Variants in WNK2 observed in about 807,000 individuals in gnomAD.
WNK2 encodes the protein WNK lysine deficient protein kinase 2, also known as serine/threonine-protein kinase WNK2.
Under a neutral mutation model 192.1 loss-of-function variants are expected in WNK2, and 67 were observed. The ratio of observed to expected loss-of-function variants is 0.35; its 90% confidence interval spans 0.29 to 0.43. WNK2 has a LOEUF of 0.43. Ranked by LOEUF, WNK2 falls within the 20% of genes least tolerant of loss-of-function variation. The pLI, the probability that WNK2 is intolerant of heterozygous loss-of-function variation, is 1.00. For missense variants in WNK2, 2,698 were observed against 3,089.7 expected, an observed-to-expected ratio of 0.87 and a Z score of 3.01; for synonymous variants, 1,439 against 1,393.9, an observed-to-expected ratio of 1.03 and a Z score of -0.72.
chr9:93,208,493 C>G (rs1833796853), intron 2 of WNK2, among the ~76,000 whole-genome samples: 1 of 152,146 alleles, frequency 6.6e-6, no homozygotes, highest in African/African-American at 2.4e-5. Flanking sequence ...TCTCTGTGTG[C>G]ATGTGTGTTC....
Position 93,257,708 on chromosome 9 carries a change from G to A in WNK2, c.2382+569G>A, listed in dbSNP as rs377457646. Among the ~76,000 whole-genome samples the A allele has an allele frequency of 8.5e-5, 13 of 152,190 alleles. No individual in the cohort carries two copies. Among genetic ancestry groups the A allele is most frequent in the South Asian group, 2.1e-4 (1 of 4,822 alleles). On this transcript the variant is annotated intron_variant, in intron 11 of 29. Transcript: ENST00000427277. The surrounding 1 kb of genome is among the most constrained non-coding windows in gnomAD (Gnocchi z 4.7). ...AGGGCCGTGTGGCATGTGGCTCCTC[G>A]GAGTTCCAAAGCCAGCCTGTGGCAT...
intron 2 of WNK2, among the ~76,000 whole-genome samples, chr9:93,228,963 C>T (rs763737185): frequency 6.6e-6 from 1 of 151,928 alleles, no homozygotes; most frequent in Non-Finnish European, 1.5e-5. Flanking sequence ...GAATGTGGTG[C>T]CTGGGGTTGG....
chr9:93,312,112 G>A (rs1853768959), intron 28 of WNK2, among the ~76,000 whole-genome samples: 2 of 152,030 alleles, frequency 1.3e-5, no homozygotes, highest in South Asian at 2.1e-4. Context: ...GAATCAGCTC[G>A]TTTTTTTCAT....
At chr9:93,274,894 A>G (rs1324488495) in intron 19 of WNK2, among the ~76,000 whole-genome samples, 1 of 152,232 alleles carries the variant, frequency 6.6e-6, no homozygotes. Context: ...TCCAGAAAAT[A>G]GAGGAGGAAA....
chr9:93,200,933 A>G (rs1251676942), intron 2 of WNK2, among the ~76,000 whole-genome samples: 1 of 152,242 alleles, frequency 6.6e-6, no homozygotes, highest in African/African-American at 2.4e-5. Flanking sequence ...GAAAAAATAT[A>G]TGGAAATAGA....
chr9:93,194,235 C>T (rs1462182976), intron 2 of WNK2, among the ~76,000 whole-genome samples: 1 of 152,184 alleles, frequency 6.6e-6, no homozygotes, highest in Non-Finnish European at 1.5e-5. Flanking sequence ...AAATTAAATG[C>T]TTCTGTTCTG....
intron 5 of WNK2, among the ~76,000 whole-genome samples, chr9:93,236,132 A>G (rs1299824924): frequency 6.6e-6 from 1 of 152,116 alleles, no homozygotes; most frequent in Non-Finnish European, 1.5e-5. Context: ...GGAGGCAGGG[A>G]TGGTCTGCAG....
intron 19 of WNK2, among the ~76,000 whole-genome samples, chr9:93,281,464 G>A (rs911174325): frequency 9.9e-5 from 15 of 152,148 alleles, no homozygotes; most frequent in Non-Finnish European, 2.2e-4. Flanking sequence ...GCCAGAGAGA[G>A]AATCGGCAAG....
At chr9:93,306,280 C>A (rs1852520468) in intron 26 of WNK2, among the ~76,000 whole-genome samples, 1 of 152,164 alleles carries the variant, frequency 6.6e-6, no homozygotes, top group South Asian at 2.1e-4. Flanking sequence ...CAGACTTGGC[C>A]TCCAACCTGC....
chr9:93,210,545 C>T (rs1452099906), intron 2 of WNK2, among the ~76,000 whole-genome samples: 3 of 152,216 alleles, frequency 2.0e-5, no homozygotes, highest in East Asian at 1.9e-4. Context: ...TCAAGCCTGC[C>T]GCACATCAGC....
intron 26 of WNK2, among the ~76,000 whole-genome samples, chr9:93,301,248 T>C (rs543487111): frequency 6.8e-4 from 104 of 152,336 alleles, no homozygotes; most frequent in African/African-American, 2.3e-3. Context: ...TTTCAACAAT[T>C]GGATTGGATA....
At chr9:93,282,700 T>G (rs978078131) in intron 19 of WNK2, among the ~76,000 whole-genome samples, 2 of 152,128 alleles carry the variant, frequency 1.3e-5, no homozygotes, top group Non-Finnish European at 2.9e-5. Flanking sequence ...AAATAAAAAT[T>G]AACACAACTA....
chr9:93,253,845 C>T (rs7853075), intron 9 of WNK2, among the ~76,000 whole-genome samples: 13,568 of 152,178 alleles, frequency 0.089, 1,119 homozygotes, highest in African/African-American at 0.21. Context: ...CTCGCAGTCC[C>T]AAGTGCCCAG....
intron 7 of WNK2, among the ~76,000 whole-genome samples, chr9:93,246,173 C>T (rs1841648145): frequency 1.3e-5 from 2 of 152,150 alleles, no homozygotes; most frequent in Admixed American, 6.5e-5. Flanking sequence ...TTTTGATGCT[C>T]AAAATGCCCC....
intron 2 of WNK2, among the ~76,000 whole-genome samples, chr9:93,207,298 A>C (rs1833575650): frequency 6.6e-6 from 1 of 152,052 alleles, no homozygotes; most frequent in South Asian, 2.1e-4. Flanking sequence ...CTCGGATAGC[A>C]CTCCTAAGTT....
intron 2 of WNK2, among the ~76,000 whole-genome samples, chr9:93,225,669 C>A (rs1484575086): frequency 6.6e-6 from 1 of 152,220 alleles, no homozygotes; most frequent in Non-Finnish European, 1.5e-5. Context: ...ACAATGAAAT[C>A]TTTTACACGT....
Position 93,270,399 on chromosome 9 carries a change from A to G in WNK2, c.4033+1653A>G, listed in dbSNP as rs1460716013. Reference sequence around the variant, plus strand: ...GTTGGGTGCTGGGTAAGGTAGAGAAAGCACACACATCCATTTTTCTTTCCA... The same window carrying G: ...GTTGGGTGCTGGGTAAGGTAGAGAAGGCACACACATCCATTTTTCTTTCCA... On this transcript the variant is annotated intron_variant, in intron 19 of 29. Coordinates refer to ENST00000427277, the MANE Select transcript of WNK2 (RefSeq NM_006648.4). 3.3e-5 allele frequency among the ~76,000 whole-genome samples: 5 copies of G among 152,378 alleles called. 1 individual carries two copies. Among genetic ancestry groups the G allele is most frequent in the African/African-American group, 9.6e-5 (4 of 41,592 alleles).
chr9:93,262,574 G>C, intron 13 of WNK2, 96 bp from the exon 14 acceptor site: 1 of 1,349,892 alleles, frequency 7.4e-7, no homozygotes, highest in Non-Finnish European at 1.0e-6. Flanking sequence ...GCTGGGCTGA[G>C]GAAGTGGGGA....
intron 19 of WNK2, among the ~76,000 whole-genome samples, chr9:93,287,184 A>C (rs1026101744): frequency 2.6e-5 from 4 of 152,232 alleles, no homozygotes; most frequent in African/African-American, 7.2e-5. Flanking sequence ...TAATTAAAAA[A>C]CAATAAAGAG....
Sources: allele counts gnomAD v4.1 joint callset (sites outside exome capture counted in the v4.1 genomes callset), GRCh38; gene constraint gnomAD v4.1.1; non-coding constraint Gnocchi (gnomAD v3.1); transcripts MANE v1.5; gene names NCBI Gene and HGNC (gene_info 2026-07-23, HGNC 2026-07-21).